The following ZDHHC15 variants were observed in gnomAD, a reference collection of about 807,000 sequenced individuals.
ZDHHC15 encodes palmitoyltransferase ZDHHC15.
In ZDHHC15, 19 loss-of-function variants were observed where a neutral mutation model predicts 31.7. That is an observed-to-expected ratio of 0.60 (90% CI 0.42 to 0.88). The LOEUF is 0.88. Ranked by LOEUF, ZDHHC15 falls within the 40% of genes least tolerant of loss-of-function variation. The probability of loss-of-function intolerance (pLI) is 0.00; values close to 1 mark genes in which losing one functional copy is unlikely to be tolerated. For synonymous variants in ZDHHC15, 103 were observed against 90.0 expected (o/e 1.14, Z -0.82); for missense variants, 209 against 251.2 (o/e 0.83, Z 1.14).
chrX:75,513,576 C>T (rs372291316), intron 1 of ZDHHC15, among the ~76,000 whole-genome samples: 1 of 111,434 alleles, frequency 9.0e-6, no homozygotes, highest in African/African-American at 3.3e-5. Flanking sequence ...CGCCTACACT[C>T]TACTATATAC....
intron 11 of ZDHHC15, among the ~76,000 whole-genome samples, chrX:75,375,653 A>T (rs1433787459): frequency 8.9e-6 from 1 of 111,850 alleles, no homozygotes; most frequent in Non-Finnish European, 1.9e-5. Flanking sequence ...GAATGAGAAC[A>T]TGCATTATTT....
intron 10 of ZDHHC15, among the ~76,000 whole-genome samples, chrX:75,407,889 G>C (rs2083437926): frequency 8.9e-6 from 1 of 112,022 alleles, no homozygotes; most frequent in Admixed American, 9.4e-5. Context: ...GCCTTGGGAT[G>C]CTGTTAATCT....
chrX:75,454,001 C>G (rs970404780), intron 3 of ZDHHC15, among the ~76,000 whole-genome samples: 10 of 111,676 alleles, frequency 9.0e-5, no homozygotes, highest in Non-Finnish European at 1.9e-4. Context: ...CCCTCTCTCA[C>G]CACTCCTATT....
chrX:75,483,429 T>C (rs922861885), intron 2 of ZDHHC15, among the ~76,000 whole-genome samples: 1 of 110,058 alleles, frequency 9.1e-6, no homozygotes, highest in African/African-American at 3.3e-5. Context: ...TATCTGGGCA[T>C]GGTGGCAGAT....
At chrX:75,493,246 C>T (rs2084930124) in intron 2 of ZDHHC15, among the ~76,000 whole-genome samples, 1 of 111,779 alleles carries the variant, frequency 8.9e-6, no homozygotes, top group African/African-American at 3.2e-5. Context: ...GAAGTTGAAT[C>T]TCTGAATAGA....
intron 7 of ZDHHC15, among the ~76,000 whole-genome samples, chrX:75,427,483 T>C (rs1015765301): frequency 3.6e-5 from 4 of 111,378 alleles, no homozygotes; most frequent in African/African-American, 1.3e-4. Context: ...GCAAAATGTG[T>C]GAAATGTAAT....
intron 2 of ZDHHC15, among the ~76,000 whole-genome samples, 163 bp from the exon 3 acceptor site, chrX:75,479,148 C>G (rs867150087): frequency 9.0e-6 from 1 of 111,529 alleles, no homozygotes; most frequent in Non-Finnish European, 1.9e-5. Flanking sequence ...GTGACAGAAA[C>G]AAGCCATAAT....
chrX:75,379,402 GA>G (rs752496338), intron 10 of ZDHHC15, among the ~76,000 whole-genome samples: 1 of 112,219 alleles, frequency 8.9e-6, no homozygotes. Flanking sequence ...TATGAACTAA[GA>G]TTATTTATCA....
At chrX:75,421,430 TATAATATATATTA>T (rs2083636611) in intron 9 of ZDHHC15, among the ~76,000 whole-genome samples, 1 of 65,262 alleles carries the variant, frequency 1.5e-5, no homozygotes, top group African/African-American at 7.5e-5. Context: ...ATAATATATA[TATAATATATATTA>T]TATATATATA....
At chrX:75,519,328 G>C (rs1023552285) in intron 1 of ZDHHC15, among the ~76,000 whole-genome samples, 1 of 111,574 alleles carries the variant, frequency 9.0e-6, no homozygotes, top group Non-Finnish European at 1.9e-5. Flanking sequence ...TATCTAATGA[G>C]CTCTTATAAT....
intron 3 of ZDHHC15, among the ~76,000 whole-genome samples, chrX:75,475,015 C>T (rs1201917785): frequency 4.5e-5 from 5 of 111,099 alleles, no homozygotes; most frequent in South Asian, 3.8e-4. Context: ...GCCGAGATTG[C>T]GCCGCTGCAC....
intron 2 of ZDHHC15, among the ~76,000 whole-genome samples, chrX:75,499,211 C>T (rs1380903182): frequency 9.0e-6 from 1 of 111,483 alleles, no homozygotes; most frequent in African/African-American, 3.3e-5. Context: ...CTCTTCTAGA[C>T]TTTGGTTTAG....
At chrX:75,484,611 A>G (rs990907926) in intron 2 of ZDHHC15, among the ~76,000 whole-genome samples, 1 of 112,019 alleles carries the variant, frequency 8.9e-6, no homozygotes, top group Non-Finnish European at 1.9e-5. Context: ...TCATATATCA[A>G]TTATAGGAAA....
rs187984758 is a variant in ZDHHC15, at chrX:75,461,745, C to T, written c.259-10823G>A. 3.0e-4 allele frequency among the ~76,000 whole-genome samples: 34 copies of T among 111,909 alleles called. 1 individual carries two copies. The East Asian group carries it at 9.0e-3, about 30-fold the overall frequency. On this transcript the variant is annotated intron_variant, in intron 3 of 11. Coordinates refer to ENST00000373367, the MANE Select transcript of ZDHHC15 (RefSeq NM_144969.3). ...AAGAAAATACTGAGGGAATTAATTG[C>T]CACCAGGCCTGCCTTGCAAGACCTC...
At chrX:75,483,081 G>GTATATATA (rs4019298) in intron 2 of ZDHHC15, among the ~76,000 whole-genome samples, 1 of 97,441 alleles carries the variant, frequency 1.0e-5, no homozygotes, top group African/African-American at 3.7e-5. Flanking sequence ...ATGTGTATGT[G>GTATATATA]TATATATATA....
intron 11 of ZDHHC15, among the ~76,000 whole-genome samples, chrX:75,373,536 C>A (rs1378750378): frequency 9.0e-6 from 1 of 111,360 alleles, no homozygotes; most frequent in Non-Finnish European, 1.9e-5. Flanking sequence ...TTAAAAAATT[C>A]ATACCAGTAA....
intron 9 of ZDHHC15, among the ~76,000 whole-genome samples, chrX:75,418,101 G>A (rs1345944591): frequency 9.0e-6 from 1 of 111,619 alleles, no homozygotes; most frequent in African/African-American, 3.3e-5. Context: ...GATGATGTGT[G>A]GATATTTGTG....
chrX:75,424,346 C>G (rs755167077), intron 8 of ZDHHC15, among the ~76,000 whole-genome samples: 2 of 111,208 alleles, frequency 1.8e-5, no homozygotes. Flanking sequence ...CTCATGTGAA[C>G]ACCTTTTAGA....
chrX:75,492,690 A>G (rs2084919054), intron 2 of ZDHHC15, among the ~76,000 whole-genome samples: 1 of 111,951 alleles, frequency 8.9e-6, no homozygotes, highest in Non-Finnish European at 1.9e-5. Context: ...TACTGGGTAC[A>G]TAACAAAATG....
Sources: allele counts gnomAD v4.1 joint callset (sites outside exome capture counted in the v4.1 genomes callset), GRCh38; gene constraint gnomAD v4.1.1; transcripts MANE v1.5; gene names NCBI Gene and HGNC (gene_info 2026-07-23, HGNC 2026-07-21).